Variants in WNK1 observed in about 807,000 individuals in gnomAD.
WNK1 encodes WNK lysine deficient protein kinase 1, also known as serine/threonine-protein kinase WNK1.
A neutral mutation model predicts 222.8 loss-of-function variants in WNK1; 38 were observed. That is an observed-to-expected ratio of 0.17 (90% CI 0.13 to 0.22). The LOEUF (loss-of-function observed/expected upper bound fraction) is 0.22, where lower values mean the gene tolerates loss of function less well. Among genes scored for constraint, WNK1 ranks in the 10% least tolerant of loss-of-function variants. The pLI is 1.00. For missense variants in WNK1, 2,348 were observed against 2,918.4 expected, an observed-to-expected ratio of 0.80 and a Z score of 4.50; for synonymous variants, 1,090 against 1,092.9, an observed-to-expected ratio of 1.00 and a Z score of 0.05.
intron 1 of WNK1, among the ~76,000 whole-genome samples, chr12:801,322 G>A (rs1206429466): frequency 1.3e-5 from 2 of 152,106 alleles, no homozygotes; most frequent in East Asian, 1.9e-4. Flanking sequence ...CTCTTTGGTT[G>A]TTTGCTTAGC....
At chr12:891,034 ATATG>A (rs1240941352) in intron 22 of WNK1, among the ~76,000 whole-genome samples, 2 of 152,210 alleles carry the variant, frequency 1.3e-5, no homozygotes, top group African/African-American at 4.8e-5. Context: ...GATTATCAAA[ATATG>A]TAGAGTATCA....
chr12:868,098 C>T, intron 8 of WNK1: 1 of 1,613,966 alleles, frequency 6.2e-7, no homozygotes, highest in Non-Finnish European at 8.5e-7. Context: ...GGTGGCAGCC[C>T]AACTAACTGG....
In WNK1 at chr12:883,388, T is replaced by C. The variant is rs1221501547; in HGVS notation, c.3490-7T>C. ...CTAATTAGACTGACATCACATTTCT[T>C]TTACAGGTGAACAATGACTTTATTC... On this transcript the variant is annotated splice_polypyrimidine_tract_variant and splice_region_variant and intron_variant, in intron 15 of 27. Transcript: ENST00000315939. 7 of 1,614,160 alleles carry C rather than the reference T, an allele frequency of 4.3e-6. No individual in the cohort carries two copies. The highest frequency in any genetic ancestry group is 5.1e-6 in the Non-Finnish European group (6 of 1,180,022).
intron 1 of WNK1, among the ~76,000 whole-genome samples, chr12:784,068 A>G (rs1430533858): frequency 6.1e-5 from 9 of 147,258 alleles, no homozygotes; most frequent in South Asian, 2.2e-4. Context: ...AAAAAAAAAA[A>G]AAAGTATCCA....
chr12:868,265 C>T (rs895279977), intron 8 of WNK1: 7 of 1,601,172 alleles, frequency 4.4e-6, no homozygotes, highest in Non-Finnish European at 4.3e-6. Flanking sequence ...TTTTATTCCT[C>T]AGGAAGCAGT....
At chr12:865,561 G>A (rs1951591840) in intron 8 of WNK1, among the ~76,000 whole-genome samples, 2 of 152,164 alleles carry the variant, frequency 1.3e-5, no homozygotes, top group Non-Finnish European at 2.9e-5. Context: ...GAGGTAATGA[G>A]AGAGAATACC....
Position 753,275 on chromosome 12 carries a change from G to A in WNK1, c.-291G>A, listed in dbSNP as rs886049862. 1.9e-5 allele frequency: 8 copies of A among 428,488 alleles called. No homozygotes were observed. The highest frequency in any genetic ancestry group is 2.9e-5 in the Non-Finnish European group (7 of 239,658). 26.5% of individuals were successfully genotyped at this position (428,488 alleles called of 1,614,324 possible). A position where few individuals can be genotyped will look rare whatever the true frequency, so the allele number is the denominator to read the frequency against. Reference sequence around the variant, plus strand: ...CCCGCCCGGCCGCCGCTCGCCGCAGGATGGATGCGGACCGTGCGGCGCTAA... The same window carrying A: ...CCCGCCCGGCCGCCGCTCGCCGCAGAATGGATGCGGACCGTGCGGCGCTAA... On this transcript the variant is annotated 5_prime_UTR_variant, in exon 1 of 28. Coordinates refer to ENST00000315939, the MANE Select transcript of WNK1 (RefSeq NM_018979.4). The surrounding 1 kb of genome is among the most constrained non-coding windows in gnomAD (Gnocchi z 5.2).
chr12:899,695 A>G (rs2154097816), intron 25 of WNK1, among the ~76,000 whole-genome samples: 1 of 152,320 alleles, frequency 6.6e-6, no homozygotes, highest in South Asian at 2.1e-4. Context: ...TATTGAAAGC[A>G]ACCTACCAAA....
intron 10 of WNK1, 59 bp from the exon 11 acceptor site, chr12:879,514 T>TTTTTTTTTTTTTTTTTTTTTTTTTTTTTG: frequency 2.3e-5 from 1 of 43,858 alleles, no homozygotes; most frequent in Non-Finnish European, 4.7e-5. Context: ...GCAGCCTTGC[T>TTTTTTTTTTTTTTTTTTTTTTTTTTTTTG]TTTTTTTTTT....
At chr12:856,468 A>G (rs1428824246) in intron 4 of WNK1, among the ~76,000 whole-genome samples, 1 of 151,958 alleles carries the variant, frequency 6.6e-6, no homozygotes, top group Non-Finnish European at 1.5e-5. Context: ...GAAAAAAAAA[A>G]ATAAGAAAGA....
In WNK1 at chr12:879,848, TGC is replaced by T. The variant is rs1318974360; in HGVS notation, c.2651_2652del (p.Ala884AspfsTer10). ...LTLASSATTAAIPGVSTVVPS... is the reference protein window; with the variant it reads ...LTLASSATTAXIPGVSTVVPS... ...CGTTGGCTTCATCTGCTACAACAGC[TGC>T]GATCCCGGGGGTATCAACTGTGGTT... On this transcript the variant is annotated frameshift_variant, in exon 11 of 28. Coordinates refer to ENST00000315939, the MANE Select transcript of WNK1 (RefSeq NM_018979.4). LOFTEE classifies it high-confidence loss of function. 6 of 1,614,066 alleles carry T rather than the reference TGC, an allele frequency of 3.7e-6. No homozygotes were observed. Among genetic ancestry groups the T allele is most frequent in the Non-Finnish European group, 5.1e-6 (6 of 1,180,048 alleles).
rs1362295434 is a variant in WNK1, at chr12:901,724, A to G, written c.6643+1054A>G. 1.8e-5 allele frequency: 16 copies of G among 894,786 alleles called. No individual in the cohort carries two copies. The Admixed American group carries it at 3.6e-4, about 20-fold the overall frequency. The allele number at this position is 894,786 out of a possible 1,614,324, so 55.4% of individuals were successfully genotyped here. On this transcript the variant is annotated intron_variant, in intron 26 of 27. Transcript: ENST00000315939. ...TTGGATCTGATGTTTCACGCAGTCC[A>G]TTTTCATTTGTCTCTTTTTGTATAT...
rs1444684296 is a variant in WNK1 at position 900,685 on chromosome 12, A to G, written c.6643+15A>G. On this transcript the variant is annotated intron_variant, in intron 26 of 27. Coordinates refer to ENST00000315939, the MANE Select transcript of WNK1 (RefSeq NM_018979.4). The stretch of plus-strand genomic sequence containing the variant: ...TCCAGGTCAAGGTAATAAAGCAACC[A>G]TCATCGTCCAAAAACAATAAAATGG... 2 of 1,614,036 alleles carry G rather than the reference A, an allele frequency of 1.2e-6. No individual in the cohort carries two copies. Among genetic ancestry groups the G allele is most frequent in the Admixed American group, 3.3e-5 (2 of 60,008 alleles).
At chr12:890,210 C>T (rs1201874885) in intron 21 of WNK1, among the ~76,000 whole-genome samples, 3 of 151,852 alleles carry the variant, frequency 2.0e-5, no homozygotes, top group Admixed American at 2.0e-4. Flanking sequence ...ACCTTGACCT[C>T]CCAAAATGCT....
chr12:876,152 G>A (rs189640412), intron 9 of WNK1, among the ~76,000 whole-genome samples: 2 of 152,308 alleles, frequency 1.3e-5, no homozygotes, highest in East Asian at 3.9e-4. Context: ...GCTCACGCCT[G>A]TAATCCTAGC....
In WNK1 at chr12:883,830, A is replaced by G; in HGVS notation, c.3720A>G (p.Ile1240Met). 2 of 1,613,916 alleles carry G rather than the reference A, an allele frequency of 1.2e-6. No individual in the cohort carries two copies. Among genetic ancestry groups the G allele is most frequent in the Non-Finnish European group, 8.5e-7 (1 of 1,180,028 alleles). ...PIPASSMPQQ[I>M]GIPTSSLTQV... is the part of the protein sequence containing the mutation. ...CTGCGTCTTCCATGCCACAGCAAAT[A>G]GGTGAATTTATTTTCTTTCCTTGTT... Residue 1240 changes from isoleucine (I) to methionine (M), a missense_variant and splice_region_variant, in exon 17 of 28, where the codon ATA (isoleucine) becomes ATG (methionine). Transcript: ENST00000315939.
At chr12:845,448 C>T (rs1408033666) in intron 4 of WNK1, among the ~76,000 whole-genome samples, 1 of 152,136 alleles carries the variant, frequency 6.6e-6, no homozygotes, top group African/African-American at 2.4e-5. Flanking sequence ...GTAAACCACT[C>T]TCCCCCTTCT....
chr12:824,370 A>T (rs1591869569), intron 2 of WNK1, among the ~76,000 whole-genome samples: 1 of 152,068 alleles, frequency 6.6e-6, no homozygotes, highest in Non-Finnish European at 1.5e-5. Context: ...TGAGTTTAGA[A>T]ATGTTCCATT....
At chr12:772,392 A>G (rs940008110) in intron 1 of WNK1, among the ~76,000 whole-genome samples, 17 of 150,682 alleles carry the variant, frequency 1.1e-4, no homozygotes, top group Non-Finnish European at 1.2e-4. Context: ...TGTACACAGT[A>G]ATCATAATTG....
Sources: gnomAD v4.1 joint callset for allele counts (sites outside exome capture counted in the v4.1 genomes callset) on GRCh38, gnomAD v4.1.1 for gene constraint, Gnocchi (gnomAD v3.1) non-coding constraint, MANE v1.5 for transcripts, NCBI Gene and HGNC (gene_info 2026-07-23, HGNC 2026-07-21) for gene names.